Variants in QTMAN observed in about 807,000 individuals in gnomAD.
QTMAN encodes the protein tRNA-queuosine alpha-mannosyltransferase.
the QTMAN span, among the ~76,000 whole-genome samples, chr2:144,295,639 G>T: frequency 3.0e-4 from 46 of 152,166 alleles, no homozygotes; most frequent in Non-Finnish European, 5.1e-4. Flanking sequence ...TTGAGACAGG[G>T]TCTCGCTCCA....
At chr2:144,126,584 A>G in the QTMAN span, among the ~76,000 whole-genome samples, 2 of 152,044 alleles carry the variant, frequency 1.3e-5, no homozygotes, top group African/African-American at 4.8e-5. Flanking sequence ...TGGAAAGTAC[A>G]ATTTTAAGTG....
At chr2:143,978,215 T>C in the QTMAN span, among the ~76,000 whole-genome samples, 1 of 152,214 alleles carries the variant, frequency 6.6e-6, no homozygotes, top group African/African-American at 2.4e-5. Context: ...TGCTCTCTCC[T>C]ACTTTTGACA....
At chr2:144,216,950 T>C in the QTMAN span, among the ~76,000 whole-genome samples, 1 of 152,216 alleles carries the variant, frequency 6.6e-6, no homozygotes, top group Non-Finnish European at 1.5e-5. Flanking sequence ...ATTAGGCTTT[T>C]ATTTAACAGA....
At chr2:144,145,108 T>TAA in the QTMAN span, among the ~76,000 whole-genome samples, 11 of 109,074 alleles carry the variant, frequency 1.0e-4, no homozygotes, top group African/African-American at 1.3e-4. Context: ...TCTTACAATT[T>TAA]AAAAAAAAAA....
the QTMAN span, among the ~76,000 whole-genome samples, chr2:144,079,386 AAT>A: frequency 6.6e-6 from 1 of 152,162 alleles, no homozygotes; most frequent in Non-Finnish European, 1.5e-5. Context: ...ATAACTTCAA[AAT>A]ATGTTAAACT....
the QTMAN span, among the ~76,000 whole-genome samples, chr2:144,230,065 C>T: frequency 2.4e-4 from 37 of 152,144 alleles, 1 homozygote; most frequent in African/African-American, 4.8e-5. Context: ...AATATCATCT[C>T]AACTTCAATT....
At chr2:143,970,323 A>T in the QTMAN span, among the ~76,000 whole-genome samples, 1 of 152,284 alleles carries the variant, frequency 6.6e-6, no homozygotes, top group Admixed American at 6.5e-5. Flanking sequence ...CAAACCAGTG[A>T]CCCCAGAGGT....
chr2:144,064,899 A>T, the QTMAN span, among the ~76,000 whole-genome samples: 1 of 152,176 alleles, frequency 6.6e-6, no homozygotes, highest in Non-Finnish European at 1.5e-5. Context: ...ACTGGCTCCT[A>T]TGAAAATGGG....
At chr2:144,142,397 T>G in the QTMAN span, among the ~76,000 whole-genome samples, 1 of 151,978 alleles carries the variant, frequency 6.6e-6, no homozygotes. Flanking sequence ...AATTCCTTTT[T>G]CTTCGTGGCC....
chr2:144,064,344 A>G, the QTMAN span, among the ~76,000 whole-genome samples: 2 of 152,252 alleles, frequency 1.3e-5, no homozygotes, highest in Non-Finnish European at 2.9e-5. Flanking sequence ...ATTAGAAGTC[A>G]GATTGATTAC....
chr2:144,135,830 A>G, the QTMAN span, among the ~76,000 whole-genome samples: 1 of 152,184 alleles, frequency 6.6e-6, no homozygotes, highest in African/African-American at 2.4e-5. Context: ...TACTATCTAT[A>G]TGTGTGATCA....
At chr2:143,978,839 A>G in the QTMAN span, among the ~76,000 whole-genome samples, 2 of 152,202 alleles carry the variant, frequency 1.3e-5, no homozygotes, top group African/African-American at 2.4e-5. Flanking sequence ...CAAACTGACT[A>G]ATCATTTGGA....
At chr2:144,061,729 GT>G in the QTMAN span, among the ~76,000 whole-genome samples, 1 of 152,080 alleles carries the variant, frequency 6.6e-6, no homozygotes, top group Non-Finnish European at 1.5e-5. Context: ...AGGCATTCCT[GT>G]TTTTGTGCCC....
chr2:144,208,519 C>G, the QTMAN span: 1 of 1,162,506 alleles, frequency 8.6e-7, no homozygotes, highest in Non-Finnish European at 1.2e-6. Flanking sequence ...TGGAGAAATT[C>G]TCAAAGATAC....
chr2:144,170,715 G>A, the QTMAN span, among the ~76,000 whole-genome samples: 13 of 151,950 alleles, frequency 8.6e-5, no homozygotes, highest in South Asian at 4.1e-4. Context: ...CTCTGCTTGC[G>A]AGACATACAG....
At chr2:144,222,677 A>G in the QTMAN span, among the ~76,000 whole-genome samples, 3 of 151,946 alleles carry the variant, frequency 2.0e-5, no homozygotes, top group African/African-American at 7.2e-5. Flanking sequence ...GCATGGTGGC[A>G]GGCACCTGTA....
chr2:144,216,241 T>G, the QTMAN span, among the ~76,000 whole-genome samples: 4 of 152,220 alleles, frequency 2.6e-5, no homozygotes, highest in Non-Finnish European at 5.9e-5. Context: ...TCCTCCTAAA[T>G]ATGACTTCCT....
At chr2:144,100,026 G>A in the QTMAN span, among the ~76,000 whole-genome samples, 1 of 152,016 alleles carries the variant, frequency 6.6e-6, no homozygotes, top group African/African-American at 2.4e-5. Context: ...AGAGCAAGTG[G>A]AATGCGAGTT....
the QTMAN span, among the ~76,000 whole-genome samples, chr2:143,969,449 G>A: frequency 6.6e-6 from 1 of 152,186 alleles, no homozygotes; most frequent in South Asian, 2.1e-4. Context: ...ATTGTGTCAA[G>A]CACTGCAATG....
Sources: gnomAD v4.1 joint callset for allele counts (sites outside exome capture counted in the v4.1 genomes callset) on GRCh38, gnomAD v4.1.1 for gene constraint, MANE v1.5 for transcripts, NCBI Gene and HGNC (gene_info 2026-07-23, HGNC 2026-07-21) for gene names.